CCDC91: variants seen among roughly 807,000 people sequenced by gnomAD.
CCDC91 encodes the protein coiled-coil domain containing 91, also known as coiled-coil domain-containing protein 91.
Under a neutral mutation model 63.2 loss-of-function variants are expected in CCDC91, and 48 were observed. That is an observed-to-expected ratio of 0.76 (90% confidence interval 0.60 to 0.97). The LOEUF is 0.97. CCDC91 is among the 50% of genes least tolerant of loss of function. The pLI is 0.00. For missense variants in CCDC91, 500 were observed against 494.6 expected (o/e 1.01, Z -0.10); for synonymous variants, 167 against 165.8 (o/e 1.01, Z -0.06).
At chr12:28,298,779 C>CATAT (rs112509141) in intron 3 of CCDC91, among the ~76,000 whole-genome samples, 3,214 of 148,722 alleles carry the variant, frequency 0.022, 114 homozygotes, top group African/African-American at 0.071. Context: ...CTTGTGTGCA[C>CATAT]ATATATATAT....
At chr12:28,344,194 G>A (rs1339466216) in intron 6 of CCDC91, among the ~76,000 whole-genome samples, 5 of 152,044 alleles carry the variant, frequency 3.3e-5, no homozygotes, top group Non-Finnish European at 7.4e-5. Context: ...GTAGTCACTA[G>A]CAAACTTAAA....
At chr12:28,337,415 A>G (rs1942066752) in intron 6 of CCDC91, among the ~76,000 whole-genome samples, 1 of 152,110 alleles carries the variant, frequency 6.6e-6, no homozygotes, top group African/African-American at 2.4e-5. Context: ...TAGCAATGAA[A>G]CATGCTTTTC....
chr12:28,473,499 C>T (rs2140710774), intron 11 of CCDC91, among the ~76,000 whole-genome samples: 1 of 152,232 alleles, frequency 6.6e-6, no homozygotes, highest in East Asian at 1.9e-4. Flanking sequence ...TTCTTTCATT[C>T]CACACATATT....
At chr12:28,442,936 G>A (rs1949303640) in intron 8 of CCDC91, among the ~76,000 whole-genome samples, 1 of 152,000 alleles carries the variant, frequency 6.6e-6, no homozygotes, top group Non-Finnish European at 1.5e-5. Context: ...CCTATAAGAA[G>A]AAAGGCCTGT....
At chr12:28,405,430 TAAGAAA>T (rs1247584779) in intron 8 of CCDC91, among the ~76,000 whole-genome samples, 3 of 152,158 alleles carry the variant, frequency 2.0e-5, no homozygotes, top group African/African-American at 4.8e-5. Context: ...TTGCATCAGT[TAAGAAA>T]AAGAAAAAGT....
intron 12 of CCDC91, among the ~76,000 whole-genome samples, chr12:28,520,487 G>A (rs1319724958): frequency 6.6e-6 from 1 of 152,058 alleles, no homozygotes; most frequent in African/African-American, 2.4e-5. Context: ...TGTCAGATGG[G>A]TAGATTGCAA....
chr12:28,229,730 T>A (rs1472077513), intron 1 of CCDC91, among the ~76,000 whole-genome samples: 1 of 152,150 alleles, frequency 6.6e-6, no homozygotes, highest in East Asian at 1.9e-4. Context: ...CTCTGATGGA[T>A]CCAGCTTGAG....
intron 1 of CCDC91, among the ~76,000 whole-genome samples, chr12:28,251,832 T>A (rs1946137704): frequency 6.6e-6 from 1 of 152,162 alleles, no homozygotes; most frequent in African/African-American, 2.4e-5. Flanking sequence ...CTCTTCTTGC[T>A]TCATAGGTAT....
At chr12:28,381,825 A>G (rs1366854611) in intron 7 of CCDC91, among the ~76,000 whole-genome samples, 1 of 152,126 alleles carries the variant, frequency 6.6e-6, no homozygotes, top group Non-Finnish European at 1.5e-5. Context: ...AGTAATAATT[A>G]CCCTGAGCCA....
intron 12 of CCDC91, among the ~76,000 whole-genome samples, chr12:28,511,035 CAT>C (rs1939317949): frequency 2.0e-5 from 3 of 152,064 alleles, no homozygotes; most frequent in East Asian, 2.0e-4. Flanking sequence ...AAAAGGTCGA[CAT>C]GTGTACTTCA....
intron 6 of CCDC91, among the ~76,000 whole-genome samples, chr12:28,315,806 GT>G (rs879774391): frequency 0.014 from 1,963 of 143,222 alleles, 10 homozygotes; most frequent in Middle Eastern, 0.018. Flanking sequence ...GGTAATTCCT[GT>G]TTTTTTTTTT....
In CCDC91 at chr12:28,293,785, A is replaced by G. The variant is rs927955835; in HGVS notation, c.110-11864A>G. On this transcript the variant is annotated intron_variant, in intron 3 of 12. Transcript: ENST00000536442. Reference sequence around the variant, plus strand: ...GGTCTGCCACCCAGGCTGGAGTACAATGATGTGATCATAGTTCACTGCAGC... The same window carrying G: ...GGTCTGCCACCCAGGCTGGAGTACAGTGATGTGATCATAGTTCACTGCAGC... 3.3e-5 allele frequency among the ~76,000 whole-genome samples: 5 copies of G among 151,630 alleles called. No homozygotes were observed. The South Asian group carries it at 6.2e-4, about 19-fold the overall frequency.
At chr12:28,252,870 G>A (rs1208748003) in intron 1 of CCDC91, among the ~76,000 whole-genome samples, 1 of 152,108 alleles carries the variant, frequency 6.6e-6, no homozygotes, top group Non-Finnish European at 1.5e-5. Flanking sequence ...TGCTTAGAAT[G>A]TATCAGATAC....
At position 28,193,153 on chromosome 12, in the gene CCDC91, T is replaced by C. The variant is rs1003729805; in HGVS notation, c.-15+2512T>C. ...GTTTATTCGCCATTTGATGAACAAT[T>C]TTTGGCATTTAGGAATGAAGGTACT... On this transcript the variant is annotated intron_variant, in intron 1 of 12. Transcript: ENST00000536442. Among the ~76,000 whole-genome samples, 3 of 152,238 alleles carry C rather than the reference T, an allele frequency of 2.0e-5. No individual in the cohort carries two copies. In the East Asian group the frequency reaches 5.8e-4, roughly 29 times the overall value.
At chr12:28,224,244 C>A (rs1390406726) in intron 1 of CCDC91, among the ~76,000 whole-genome samples, 2 of 152,030 alleles carry the variant, frequency 1.3e-5, no homozygotes, top group Admixed American at 1.3e-4. Context: ...CAGAGTCATC[C>A]CATATGATTT....
rs545278437 is a variant in CCDC91, at chr12:28,388,309, A to G, written c.655-2995A>G. Among the ~76,000 whole-genome samples the G allele has an allele frequency of 3.9e-5, 6 of 152,276 alleles. No homozygotes were observed. In the East Asian group the frequency reaches 1.2e-3, roughly 29 times the overall value. On this transcript the variant is annotated intron_variant, in intron 7 of 12. Transcript: ENST00000536442. ...AAAGGGCATCCAAATTGGTAAAGAG[A>G]AAGTCAAACTGTTGCTGTTTGCTGA...
At chr12:28,198,506 A>C (rs1166650192) in intron 1 of CCDC91, among the ~76,000 whole-genome samples, 2 of 152,204 alleles carry the variant, frequency 1.3e-5, no homozygotes, top group South Asian at 2.1e-4. Flanking sequence ...GGCATGAAAA[A>C]CAAAATAAGC....
At chr12:28,211,534 A>G (rs1345406032) in intron 1 of CCDC91, among the ~76,000 whole-genome samples, 1 of 152,166 alleles carries the variant, frequency 6.6e-6, no homozygotes, top group East Asian at 1.9e-4. Flanking sequence ...AGATGAGATT[A>G]ATTTGGGAAA....
At chr12:28,248,977 G>A (rs1945941878) in intron 1 of CCDC91, among the ~76,000 whole-genome samples, 2 of 152,202 alleles carry the variant, frequency 1.3e-5, no homozygotes, top group South Asian at 4.1e-4. Flanking sequence ...AGCAGAATGA[G>A]TTGTAATAGC....
Sources: gnomAD v4.1 joint callset for allele counts (sites outside exome capture counted in the v4.1 genomes callset) on GRCh38, gnomAD v4.1.1 for gene constraint, MANE v1.5 for transcripts, NCBI Gene and HGNC (gene_info 2026-07-23, HGNC 2026-07-21) for gene names.